The following ANO1 variants were observed in gnomAD, a reference collection of about 807,000 sequenced individuals.
The protein encoded by ANO1 is anoctamin-1.
Under a neutral mutation model 124.0 loss-of-function variants are expected in ANO1, and 59 were observed. The ratio of observed to expected loss-of-function variants is 0.48; its 90% CI spans 0.39 to 0.59. The LOEUF (loss-of-function observed/expected upper bound fraction) is 0.59. Ranked by LOEUF, ANO1 falls within the 20% of genes least tolerant of loss-of-function variation. The pLI is 0.00. For missense variants in ANO1, 1,059 were observed against 1,328.0 expected (o/e 0.80, Z 3.15); for synonymous variants, 529 against 532.0 (o/e 0.99, Z 0.08).
rs1452077614 is a variant in ANO1, at chr11:70,025,178, G to A, written c.58+39012G>A. Among the ~76,000 whole-genome samples, 5 of 152,202 alleles carry A rather than the reference G, an allele frequency of 3.3e-5. No individual in the cohort carries two copies. In the East Asian group the frequency reaches 7.7e-4, roughly 23 times the overall value. On this transcript the variant is annotated intron_variant, in intron 1 of 27. Coordinates refer to the ANO1 transcript ENST00000531349. ...CTCTTCTCCTTGCCAGCTGGATGAC[G>A]TTGGGCAAGTTACTTCACCTCTCTG... is the stretch of plus-strand genomic sequence containing the variant.
chr11:70,178,610 C>T (rs1362249184), intron 22 of ANO1, among the ~76,000 whole-genome samples: 1 of 150,084 alleles, frequency 6.7e-6, no homozygotes, highest in African/African-American at 2.5e-5. Context: ...GTTGCCCATG[C>T]TGGAATGCAG....
intron 1 of ANO1, among the ~76,000 whole-genome samples, chr11:70,055,358 T>G (rs1402548135): frequency 6.6e-6 from 1 of 152,134 alleles, no homozygotes; most frequent in African/African-American, 2.4e-5. Flanking sequence ...TTTATGTATT[T>G]TGATATATAC....
intron 1 of ANO1, among the ~76,000 whole-genome samples, chr11:70,080,505 A>G (rs2044168956): frequency 6.6e-6 from 1 of 152,282 alleles, no homozygotes; most frequent in South Asian, 2.1e-4. Context: ...GGAGAAATGG[A>G]TGCTCTGGGG....
intron 1 of ANO1, among the ~76,000 whole-genome samples, chr11:70,039,239 T>G (rs1857143243): frequency 1.3e-5 from 2 of 152,124 alleles, no homozygotes; most frequent in Admixed American, 6.5e-5. Flanking sequence ...GCTTAAACAC[T>G]GGAAAGAGAA....
intron 25 of ANO1, among the ~76,000 whole-genome samples, chr11:70,186,590 A>G (rs2049137970): frequency 6.6e-6 from 1 of 152,186 alleles, no homozygotes; most frequent in South Asian, 2.1e-4. Context: ...CTCTGAGGCC[A>G]GAGGGACTCC....
At chr11:70,122,065 A>C (rs1298894774) in intron 8 of ANO1, among the ~76,000 whole-genome samples, 31 of 42,252 alleles carry the variant, frequency 7.3e-4, no homozygotes, top group Middle Eastern at 0.024. Context: ...CTGTCTCTCC[A>C]TCTGCCTCTG....
chr11:70,004,950 T>TA (rs1479091030), intron 1 of ANO1, among the ~76,000 whole-genome samples: 22 of 152,010 alleles, frequency 1.4e-4, no homozygotes, highest in Non-Finnish European at 7.4e-5. Flanking sequence ...CCGTCTCTAC[T>TA]AAAACTACAA....
At chr11:69,994,544 C>CTA (rs1435723575) in intron 1 of ANO1, among the ~76,000 whole-genome samples, 8 of 152,028 alleles carry the variant, frequency 5.3e-5, no homozygotes, top group Admixed American at 3.3e-4. Context: ...TAGACATCAT[C>CTA]TATATATATA....
intron 1 of ANO1, among the ~76,000 whole-genome samples, chr11:69,998,657 A>G (rs1482788611): frequency 4.6e-5 from 7 of 152,232 alleles, no homozygotes; most frequent in African/African-American, 1.7e-4. Context: ...ATTGCCAAAA[A>G]GAAATACCTG....
intron 11 of ANO1, chr11:70,141,578 G>C (rs2047155430): frequency 6.6e-6 from 1 of 152,260 alleles, no homozygotes; most frequent in Admixed American, 6.5e-5. Flanking sequence ...ATTTGCTTTA[G>C]AGAAAAGGAG....
At chr11:70,174,392 C>A (rs2048605739) in intron 22 of ANO1, among the ~76,000 whole-genome samples, 2 of 151,758 alleles carry the variant, frequency 1.3e-5, no homozygotes, top group African/African-American at 4.8e-5. Context: ...CGAGACTCCA[C>A]CTAAAAAATA....
chr11:70,014,449 C>T (rs551288154), intron 1 of ANO1, among the ~76,000 whole-genome samples: 19 of 152,290 alleles, frequency 1.2e-4, no homozygotes, highest in African/African-American at 4.1e-4. Context: ...CCTCTGCTCC[C>T]GAGATTCCTC....
At chr11:70,050,571 T>C (rs1244419468) in intron 1 of ANO1, among the ~76,000 whole-genome samples, 2 of 152,204 alleles carry the variant, frequency 1.3e-5, no homozygotes, top group African/African-American at 4.8e-5. Context: ...AGGTAACTGC[T>C]GCACCACTGT....
intron 12 of ANO1, among the ~76,000 whole-genome samples, chr11:70,150,324 A>G (rs1320360690): frequency 6.6e-6 from 1 of 152,214 alleles, no homozygotes; most frequent in African/African-American, 2.4e-5. Flanking sequence ...TTCATACTCC[A>G]GAGAGAGGGA....
chr11:70,007,958 G>A (rs1043425273), intron 1 of ANO1, among the ~76,000 whole-genome samples: 1 of 152,140 alleles, frequency 6.6e-6, no homozygotes, highest in Admixed American at 6.5e-5. Context: ...CCATCCCAGT[G>A]GGTGTGAGGT....
At chr11:69,983,848 G>A (rs1287654775), upstream of ANO1, among the ~76,000 whole-genome samples, 4 of 152,148 alleles carry the variant, frequency 2.6e-5, no homozygotes, top group Admixed American at 6.5e-5. Flanking sequence ...AAGAAAAAGC[G>A]GCTTCAATCG....
In ANO1 at chr11:70,087,615, T is replaced by C. The variant is rs982953132; in HGVS notation, c.109-137T>C. On this transcript the variant is annotated intron_variant, in intron 1 of 25. Transcript: ENST00000355303. ...GTATCTCAGGCCCTAGGACAGTGCC[T>C]GGCCCGTGGAGGGCGCTCAGGGAGT... The C allele has an allele frequency of 1.5e-4, 122 of 814,274 alleles. 1 individual carries two copies. In the East Asian group the frequency reaches 3.4e-3, roughly 23 times the overall value. The allele number at this position is 814,274 out of a possible 1,614,324, so 50.4% of individuals were successfully genotyped here. A position where few individuals can be genotyped will look rare whatever the true frequency, so the allele number is the denominator to read the frequency against.
In ANO1 at chr11:70,042,513, CAGAG is replaced by C. The variant is rs140488432; in HGVS notation, c.59-36007_59-36004del. Among the ~76,000 whole-genome samples, 1,165 of 148,360 alleles carry C rather than the reference CAGAG, an allele frequency of 7.9e-3. 14 individuals carry two copies. Among genetic ancestry groups the C allele is most frequent in the African/African-American group, 0.027 (1,088 of 40,562 alleles). ...ACGCACACACACACATACATATACA[CAGAG>C]AGAGAGAGAGAGAGAGAGAGATTGA... On this transcript the variant is annotated intron_variant, in intron 1 of 27. Transcript: ENST00000531349.
intron 6 of ANO1, among the ~76,000 whole-genome samples, chr11:70,110,972 C>A (rs1029288904): frequency 6.6e-6 from 1 of 152,224 alleles, no homozygotes; most frequent in Non-Finnish European, 1.5e-5. Context: ...CTGGGGGCCA[C>A]GTAAAAAGGG....
Sources: gnomAD v4.1 joint callset for allele counts (sites outside exome capture counted in the v4.1 genomes callset) on GRCh38, gnomAD v4.1.1 for gene constraint, MANE v1.5 for transcripts, NCBI Gene and HGNC (gene_info 2026-07-23, HGNC 2026-07-21) for gene names.